The following AK8 variants were observed in gnomAD, a reference collection of about 807,000 sequenced individuals.
The protein encoded by AK8 is ATP-AMP transphosphorylase 8.
In AK8, 44 loss-of-function variants were observed where a neutral mutation model predicts 54.6. That is an observed-to-expected ratio of 0.81 (90% CI 0.63 to 1.04). AK8 has a LOEUF of 1.04. Among genes scored for constraint, AK8 ranks in the 50% least tolerant of loss-of-function variants. The pLI, the probability that AK8 is intolerant of heterozygous loss-of-function variation, is 0.00. For missense variants in AK8, 555 were observed against 613.6 expected (o/e 0.90, Z 1.01); for synonymous variants, 239 against 245.6 (o/e 0.97, Z 0.25).
chr9:132,764,803 C>A (rs566221675), intron 11 of AK8, among the ~76,000 whole-genome samples: 28 of 152,326 alleles, frequency 1.8e-4, no homozygotes, highest in Admixed American at 8.5e-4. Context: ...AATACCATTT[C>A]TTCTCAAACT....
intron 10 of AK8, among the ~76,000 whole-genome samples, chr9:132,796,765 C>T (rs1840188791): frequency 7.0e-6 from 1 of 143,336 alleles, no homozygotes; most frequent in Non-Finnish European, 1.5e-5. Flanking sequence ...CACATACATA[C>T]ATGCTACACA....
chr9:132,798,097 C>T (rs1022471868), intron 10 of AK8, among the ~76,000 whole-genome samples: 1 of 152,248 alleles, frequency 6.6e-6, no homozygotes, highest in African/African-American at 2.4e-5. Context: ...GTAGGGCTCT[C>T]CCATCTGGGT....
upstream of AK8, chr9:132,878,578 G>A: frequency 8.9e-7 from 1 of 1,121,932 alleles, no homozygotes; most frequent in Non-Finnish European, 1.1e-6. This position sits in a 1 kb window ranked among gnomAD's most constrained non-coding sequence, Gnocchi z 4.7. Flanking sequence ...CCCTCCGAGG[G>A]GACGGGAGGC....
intron 11 of AK8, among the ~76,000 whole-genome samples, chr9:132,736,523 C>T (rs561200677): frequency 2.7e-5 from 4 of 148,712 alleles, no homozygotes; most frequent in Non-Finnish European, 5.9e-5. Context: ...TTGGGCTGGG[C>T]GCGGTGGCTC....
intron 5 of AK8, among the ~76,000 whole-genome samples, chr9:132,835,446 C>A (rs1366948181): frequency 6.6e-6 from 1 of 152,196 alleles, no homozygotes; most frequent in South Asian, 2.1e-4. Context: ...GCATCCAGGG[C>A]CCATTCCCCT....
chr9:132,857,750 GC>G (rs1843231046), intron 4 of AK8, among the ~76,000 whole-genome samples: 1 of 152,214 alleles, frequency 6.6e-6, no homozygotes, highest in South Asian at 2.1e-4. Context: ...CGGCTGAAAG[GC>G]GGACAGCCCC....
At chr9:132,866,212 G>C (rs1227222576) in intron 3 of AK8, among the ~76,000 whole-genome samples, 1 of 152,062 alleles carries the variant, frequency 6.6e-6, no homozygotes, top group East Asian at 1.9e-4. Context: ...AACAAAAAAG[G>C]ACCTTAAAGA....
intron 11 of AK8, among the ~76,000 whole-genome samples, chr9:132,740,765 G>A (rs754837848): frequency 8.5e-5 from 13 of 152,164 alleles, no homozygotes; most frequent in African/African-American, 2.4e-4. Context: ...GGGCCCAGGC[G>A]AGGAACCCAC....
chr9:132,864,649 A>G (rs1398175063), intron 3 of AK8, among the ~76,000 whole-genome samples: 1 of 152,240 alleles, frequency 6.6e-6, no homozygotes, highest in East Asian at 1.9e-4. Flanking sequence ...AAGGGCACTC[A>G]GGAGTGGGGA....
intron 10 of AK8, among the ~76,000 whole-genome samples, chr9:132,800,879 G>C (rs1840415960): frequency 6.6e-6 from 1 of 151,354 alleles, no homozygotes; most frequent in South Asian, 2.1e-4. Flanking sequence ...ACAGCTACCT[G>C]AGGGGCAGAG....
rs75119952 is a variant in AK8 at position 132,858,124 on chromosome 9, C to T, written c.334-3199G>A. On this transcript the variant is annotated intron_variant, in intron 4 of 12. Transcript: ENST00000298545. The stretch of plus-strand genomic sequence containing the variant: ...CCCCGGGTCTCCCTGCTCGGTGGCA[C>T]CGCAGCACCCAGTTGCTCCCGTGCT... Among the ~76,000 whole-genome samples the T allele has an allele frequency of 5.5e-3, 831 of 152,330 alleles. 12 individuals are homozygous for T. Among genetic ancestry groups the T allele is most frequent in the African/African-American group, 0.018 (761 of 41,576 alleles).
chr9:132,735,135 G>A (rs1837037867), intron 11 of AK8, among the ~76,000 whole-genome samples: 1 of 152,340 alleles, frequency 6.6e-6, no homozygotes, highest in East Asian at 1.9e-4. Context: ...GTCCCAGAGA[G>A]CTGAGGGGTT....
At chr9:132,824,769 T>TC (rs1340834110) in intron 8 of AK8, among the ~76,000 whole-genome samples, 1 of 152,236 alleles carries the variant, frequency 6.6e-6, no homozygotes, top group East Asian at 1.9e-4. Flanking sequence ...TCATTAGAGA[T>TC]GCACAGTCCC....
At position 132,783,684 on chromosome 9, in the gene AK8, T is replaced by C. The variant is rs1207379716; in HGVS notation, c.1121+8950A>G. Among the ~76,000 whole-genome samples the C allele has an allele frequency of 2.0e-5, 3 of 151,440 alleles. No homozygotes were observed. In the East Asian group the frequency reaches 5.8e-4, roughly 29 times the overall value. On this transcript the variant is annotated intron_variant, in intron 11 of 12. Coordinates refer to ENST00000298545, the MANE Select transcript of AK8 (RefSeq NM_152572.3). Reference sequence around the variant, plus strand: ...AACCTTACCAGAATGTTCTAAATAATTTAAAGAGAATGGACTCCATGATAT... The same window carrying C: ...AACCTTACCAGAATGTTCTAAATAACTTAAAGAGAATGGACTCCATGATAT...
At chr9:132,730,023 G>A (rs374109082) in intron 11 of AK8, among the ~76,000 whole-genome samples, 7 of 152,164 alleles carry the variant, frequency 4.6e-5, no homozygotes, top group South Asian at 2.1e-4. Context: ...TGTTTTCAGC[G>A]GTGCCCAGGC....
At chr9:132,754,533 CCT>C (rs1489461724) in intron 11 of AK8, among the ~76,000 whole-genome samples, 4 of 152,136 alleles carry the variant, frequency 2.6e-5, no homozygotes, top group Non-Finnish European at 5.9e-5. Flanking sequence ...CAGGCCGCCC[CCT>C]TTCATATCAA....
At chr9:132,744,062 C>T (rs1837524036) in intron 11 of AK8, among the ~76,000 whole-genome samples, 1 of 152,118 alleles carries the variant, frequency 6.6e-6, no homozygotes, top group Non-Finnish European at 1.5e-5. Flanking sequence ...TGCTTATGTG[C>T]CCCCACTCTC....
At chr9:132,814,385 G>C (rs1437308948) in intron 10 of AK8, among the ~76,000 whole-genome samples, 1 of 149,548 alleles carries the variant, frequency 6.7e-6, no homozygotes, top group Non-Finnish European at 1.5e-5. Flanking sequence ...ACCGTCTTGA[G>C]AAATAGGAAC....
intron 9 of AK8, among the ~76,000 whole-genome samples, chr9:132,817,153 C>A (rs1390476932): frequency 6.6e-6 from 1 of 152,162 alleles, no homozygotes; most frequent in African/African-American, 2.4e-5. Context: ...AAAGGGCAGA[C>A]CTTAGCTGCA....
Sources: gnomAD v4.1 joint callset for allele counts (sites outside exome capture counted in the v4.1 genomes callset) on GRCh38, gnomAD v4.1.1 for gene constraint, Gnocchi (gnomAD v3.1) non-coding constraint, MANE v1.5 for transcripts, NCBI Gene and HGNC (gene_info 2026-07-23, HGNC 2026-07-21) for gene names.